The following PPM1L variants were observed in gnomAD, a reference collection of about 807,000 sequenced individuals.
PPM1L encodes protein phosphatase 1L.
PPM1L carries 13 observed loss-of-function variants against 31.4 expected under a neutral mutation model. The ratio of observed to expected loss-of-function variants is 0.41; its 90% CI spans 0.27 to 0.66. PPM1L has a LOEUF of 0.66. Ranked by LOEUF, PPM1L falls within the 30% of genes least tolerant of loss-of-function variation. The pLI, the probability that PPM1L is intolerant of heterozygous loss-of-function variation, is 0.29. For synonymous variants in PPM1L, 184 were observed against 175.4 expected (o/e 1.05, Z -0.39); for missense variants, 326 against 453.7 (o/e 0.72, Z 2.56).
chr3:161,051,403 C>CACACACACAA (rs1491153188), intron 2 of PPM1L, among the ~76,000 whole-genome samples: 203 of 148,038 alleles, frequency 1.4e-3, no homozygotes, highest in African/African-American at 4.9e-3. Flanking sequence ...CACACACACA[C>CACACACACAA]AACCATCCTG....
At chr3:160,852,794 G>A (rs764970052) in intron 1 of PPM1L, among the ~76,000 whole-genome samples, 4 of 152,164 alleles carry the variant, frequency 2.6e-5, no homozygotes, top group Non-Finnish European at 5.9e-5. Flanking sequence ...TAGAATTTAT[G>A]TTTATAACAC....
chr3:160,929,186 G>A lies in PPM1L; in HGVS notation c.400-32550G>A, dbSNP rs1054322113. Among the ~76,000 whole-genome samples the A allele has an allele frequency of 2.6e-5, 4 of 152,192 alleles. No individual in the cohort carries two copies. The East Asian group carries it at 5.8e-4, about 22-fold the overall frequency. ...TTTTTATTTTCCTATTTTCCAATTA[G>A]AGTGTATTCAGTAGAGGAAGCTCCT... On this transcript the variant is annotated intron_variant, in intron 1 of 3. Transcript: ENST00000498165.
rs550011580 is a variant in PPM1L at position 160,771,632 on chromosome 3, T to A, written c.399+14925T>A. Among the ~76,000 whole-genome samples, 3 of 148,138 alleles carry A rather than the reference T, an allele frequency of 2.0e-5. No homozygotes were observed. In the South Asian group the frequency reaches 6.4e-4, roughly 31 times the overall value. ...TTGGAGGAAATTTAGTCTCTTAAAG[T>A]TTTAAAGATACGAAGCAGAATAAAC... On this transcript the variant is annotated intron_variant, in intron 1 of 3. Coordinates refer to ENST00000498165, the MANE Select transcript of PPM1L (RefSeq NM_139245.4).
intron 1 of PPM1L, among the ~76,000 whole-genome samples, chr3:160,866,277 A>G (rs1712084084): frequency 6.6e-6 from 1 of 152,182 alleles, no homozygotes; most frequent in African/African-American, 2.4e-5. Context: ...TTTAATATTA[A>G]TGGGGTGGTT....
At chr3:160,822,500 T>C (rs1051860308) in intron 1 of PPM1L, among the ~76,000 whole-genome samples, 4 of 152,092 alleles carry the variant, frequency 2.6e-5, no homozygotes, top group African/African-American at 9.7e-5. Flanking sequence ...AATTTTGATA[T>C]GTGTATTTGT....
At chr3:160,816,884 T>C (rs1205338925) in intron 1 of PPM1L, among the ~76,000 whole-genome samples, 3 of 152,090 alleles carry the variant, frequency 2.0e-5, no homozygotes, top group Admixed American at 6.6e-5. Context: ...CCTTCTACTT[T>C]CCATTCTGTT....
chr3:161,008,087 G>A (rs1462766708), intron 2 of PPM1L, among the ~76,000 whole-genome samples: 1 of 152,180 alleles, frequency 6.6e-6, no homozygotes. Context: ...CCCCAAGGCA[G>A]TTCATAGAAA....
chr3:161,028,903 A>G (rs1168352017), intron 2 of PPM1L, among the ~76,000 whole-genome samples: 5 of 152,190 alleles, frequency 3.3e-5, no homozygotes, highest in African/African-American at 1.2e-4. Context: ...ATCTTGATGA[A>G]CTGTGGTCAG....
intron 2 of PPM1L, among the ~76,000 whole-genome samples, chr3:161,000,926 T>C (rs936758617): frequency 6.6e-6 from 1 of 152,210 alleles, no homozygotes; most frequent in African/African-American, 2.4e-5. Context: ...TACTGAGTGC[T>C]TTCTTTCAGG....
intron 2 of PPM1L, among the ~76,000 whole-genome samples, chr3:160,991,282 CT>C (rs1717127984): frequency 6.6e-6 from 1 of 152,052 alleles, no homozygotes; most frequent in Non-Finnish European, 1.5e-5. Context: ...TTTTTGGTTC[CT>C]TTTCTTTGGA....
In PPM1L at chr3:161,073,998, T is replaced by C. The variant is rs1720023018; in HGVS notation, c.*4841T>C. On this transcript the variant is annotated 3_prime_UTR_variant, in exon 4 of 4. Coordinates refer to ENST00000498165, the MANE Select transcript of PPM1L (RefSeq NM_139245.4). ...TTGAATCAAAATGAATATTTTTATA[T>C]TTCATTACTATATGATATTTAAAAA... 6.6e-6 allele frequency: 1 copy of C among 152,352 alleles called. No individual in the cohort carries two copies. The highest frequency in any genetic ancestry group is 1.9e-4 in the East Asian group (1 of 5,190). 9.4% of individuals were successfully genotyped at this position (152,352 alleles called of 1,614,324 possible).
chr3:160,994,555 C>T (rs1162109695), intron 2 of PPM1L, among the ~76,000 whole-genome samples: 4 of 152,204 alleles, frequency 2.6e-5, no homozygotes, highest in African/African-American at 7.2e-5. Context: ...CCCAAGTTCC[C>T]TAGCTCAGAA....
chr3:160,782,256 T>C (rs933701494), intron 1 of PPM1L, among the ~76,000 whole-genome samples: 3 of 152,174 alleles, frequency 2.0e-5, no homozygotes, highest in African/African-American at 4.8e-5. Flanking sequence ...TTGTTTGACC[T>C]TTCGCGTATA....
chr3:160,843,426 T>TTA (rs55994031), intron 1 of PPM1L, among the ~76,000 whole-genome samples: 2,607 of 46,712 alleles, frequency 0.056, 67 homozygotes, highest in East Asian at 0.068. Flanking sequence ...GGCAATTCTT[T>TTA]TATATATATA....
chr3:160,834,724 C>A (rs1284638599), intron 1 of PPM1L, among the ~76,000 whole-genome samples: 2 of 152,082 alleles, frequency 1.3e-5, no homozygotes, highest in East Asian at 3.8e-4. Context: ...AACAGAATGT[C>A]CTTGAGATCC....
chr3:160,951,080 T>G (rs183032733), intron 1 of PPM1L, among the ~76,000 whole-genome samples: 4 of 152,344 alleles, frequency 2.6e-5, no homozygotes. Flanking sequence ...ACATCTTCTT[T>G]CTGTAACTGC....
chr3:160,927,433 C>A (rs1485457277), intron 1 of PPM1L, among the ~76,000 whole-genome samples: 1 of 151,988 alleles, frequency 6.6e-6, no homozygotes, highest in African/African-American at 2.4e-5. Flanking sequence ...AAAAAAAAAC[C>A]CTACATAGCA....
chr3:161,002,428 G>A (rs1229386506), intron 2 of PPM1L, among the ~76,000 whole-genome samples: 3 of 152,108 alleles, frequency 2.0e-5, no homozygotes, highest in African/African-American at 7.2e-5. Flanking sequence ...CTTCCACAAT[G>A]GTTGAACTAG....
intron 2 of PPM1L, among the ~76,000 whole-genome samples, chr3:161,002,543 G>A (rs537623237): frequency 6.6e-6 from 1 of 150,976 alleles, no homozygotes; most frequent in East Asian, 2.0e-4. Flanking sequence ...ACTGGTGTGA[G>A]ATGGTATCTC....
Sources: gnomAD v4.1 joint callset for allele counts (sites outside exome capture counted in the v4.1 genomes callset) on GRCh38, gnomAD v4.1.1 for gene constraint, MANE v1.5 for transcripts, NCBI Gene and HGNC (gene_info 2026-07-23, HGNC 2026-07-21) for gene names.